The following HPSE2 variants were observed in gnomAD, a reference collection of about 807,000 sequenced individuals.
HPSE2 encodes the protein heparanase 2 (inactive).
Under a neutral mutation model 60.5 loss-of-function variants are expected in HPSE2, and 38 were observed. That is an observed-to-expected ratio of 0.63 (90% CI 0.48 to 0.82). HPSE2 has a LOEUF of 0.82. HPSE2 is among the 40% of genes least tolerant of loss of function. HPSE2 has a pLI of 0.00. For synonymous variants in HPSE2, 295 were observed against 293.2 expected, an observed-to-expected ratio of 1.01 and a Z score of -0.06; for missense variants, 713 against 740.4, an observed-to-expected ratio of 0.96 and a Z score of 0.43.
chr10:99,057,329 T>C (rs1252099084), intron 3 of HPSE2, among the ~76,000 whole-genome samples: 1 of 152,164 alleles, frequency 6.6e-6, no homozygotes, highest in Non-Finnish European at 1.5e-5. Flanking sequence ...CTCATGTGCC[T>C]TACCTGAACC....
intron 3 of HPSE2, among the ~76,000 whole-genome samples, chr10:99,066,996 C>T (rs1031534168): frequency 5.9e-5 from 9 of 152,198 alleles, no homozygotes; most frequent in Non-Finnish European, 1.2e-4. Flanking sequence ...GGTAAATACA[C>T]TCATTCCAAA....
At chr10:98,578,117 G>C (rs1944691605) in intron 9 of HPSE2, among the ~76,000 whole-genome samples, 8 of 152,168 alleles carry the variant, frequency 5.3e-5, no homozygotes, top group Admixed American at 5.2e-4. Context: ...CAAGGACTAA[G>C]AAATTCAGAA....
intron 3 of HPSE2, among the ~76,000 whole-genome samples, chr10:98,951,425 C>G (rs1411296160): frequency 6.6e-6 from 1 of 152,000 alleles, no homozygotes; most frequent in Non-Finnish European, 1.5e-5. Flanking sequence ...AGGAAGTGTC[C>G]CTCCTTTGCA....
At chr10:98,804,618 AG>A (rs1459877976) in intron 3 of HPSE2, among the ~76,000 whole-genome samples, 1 of 152,160 alleles carries the variant, frequency 6.6e-6, no homozygotes, top group African/African-American at 2.4e-5. Context: ...TTTCATCCAA[AG>A]ACAGGCAATA....
At chr10:98,487,156 G>A (rs1941471101) in intron 10 of HPSE2, among the ~76,000 whole-genome samples, 1 of 152,172 alleles carries the variant, frequency 6.6e-6, no homozygotes, top group African/African-American at 2.4e-5. Flanking sequence ...CATAAAAAGA[G>A]GCTTCCTCAT....
At chr10:99,194,523 G>A (rs2133868291) in intron 2 of HPSE2, among the ~76,000 whole-genome samples, 1 of 149,356 alleles carries the variant, frequency 6.7e-6, no homozygotes, top group South Asian at 2.1e-4. Flanking sequence ...TCTTTAGCCA[G>A]ATTAAAAAAA....
At chr10:98,804,731 C>G (rs1454628658) in intron 3 of HPSE2, among the ~76,000 whole-genome samples, 1 of 152,078 alleles carries the variant, frequency 6.6e-6, no homozygotes, top group Non-Finnish European at 1.5e-5. Flanking sequence ...GGAGGTTCCT[C>G]AGAAAACTAA....
intron 9 of HPSE2, among the ~76,000 whole-genome samples, chr10:98,500,033 T>C (rs1484385412): frequency 6.6e-6 from 1 of 152,130 alleles, no homozygotes; most frequent in African/African-American, 2.4e-5. Flanking sequence ...CAATTACTAA[T>C]AGACCTAAGA....
chr10:98,939,187 A>C (rs1954909050), intron 3 of HPSE2, among the ~76,000 whole-genome samples: 1 of 143,876 alleles, frequency 7.0e-6, no homozygotes. Context: ...CTAACGAGCA[A>C]AATAACCAGC....
chr10:98,721,986 C>CA (rs2134251676), intron 4 of HPSE2, among the ~76,000 whole-genome samples, 158 bp from the exon 5 acceptor site: 1 of 149,186 alleles, frequency 6.7e-6, no homozygotes, highest in African/African-American at 2.5e-5. Flanking sequence ...ACCACCCAAA[C>CA]AAAAAAAGGT....
intron 3 of HPSE2, among the ~76,000 whole-genome samples, chr10:98,960,345 T>G (rs1955619900): frequency 6.6e-6 from 1 of 152,134 alleles, no homozygotes; most frequent in African/African-American, 2.4e-5. Context: ...CACCATTTTG[T>G]TTATACTGTC....
chr10:98,538,195 C>T (rs1178901166), intron 9 of HPSE2, among the ~76,000 whole-genome samples: 2 of 152,162 alleles, frequency 1.3e-5, no homozygotes, highest in African/African-American at 2.4e-5. Context: ...AGTGGTCCCC[C>T]GGGCCCAGCT....
At chr10:99,055,942 C>T (rs1287285747) in intron 3 of HPSE2, among the ~76,000 whole-genome samples, 1 of 151,884 alleles carries the variant, frequency 6.6e-6, no homozygotes, top group African/African-American at 2.4e-5. Flanking sequence ...AAATTAAATC[C>T]AAAGTAAGTA....
the HPSE2 span, among the ~76,000 whole-genome samples, chr10:99,263,288 T>A: frequency 5.9e-5 from 9 of 152,054 alleles, no homozygotes; most frequent in African/African-American, 1.9e-4. Context: ...GCTCTGCCCC[T>A]CTCCACTACC....
chr10:99,151,618 A>G (rs1564847085), intron 2 of HPSE2, among the ~76,000 whole-genome samples: 1 of 152,220 alleles, frequency 6.6e-6, no homozygotes, highest in Admixed American at 6.5e-5. Flanking sequence ...GAGGAAAAAA[A>G]CTAATCCATA....
intron 11 of HPSE2, among the ~76,000 whole-genome samples, chr10:98,468,213 G>A (rs981634426): frequency 6.6e-6 from 1 of 152,144 alleles, no homozygotes; most frequent in South Asian, 2.1e-4. Context: ...TGCATCTGGG[G>A]CAGCTTGAAC....
chr10:98,486,043 G>C (rs1941427623), intron 10 of HPSE2, among the ~76,000 whole-genome samples: 2 of 152,166 alleles, frequency 1.3e-5, no homozygotes, highest in Admixed American at 1.3e-4. Context: ...ACAGCCCAGA[G>C]ACCCACATAT....
chr10:98,673,036 G>T (rs1010986608), intron 6 of HPSE2, among the ~76,000 whole-genome samples: 58 of 152,162 alleles, frequency 3.8e-4, no homozygotes, highest in Non-Finnish European at 1.3e-4. Context: ...AGCGTTCTGA[G>T]GGTGGTAAAT....
At chr10:99,113,724 T>A (rs989049941) in intron 3 of HPSE2, among the ~76,000 whole-genome samples, 1 of 152,196 alleles carries the variant, frequency 6.6e-6, no homozygotes, top group Admixed American at 6.5e-5. Flanking sequence ...AAGTTTCAAA[T>A]AGTTTTTTAA....
Sources: gnomAD v4.1 joint callset for allele counts (sites outside exome capture counted in the v4.1 genomes callset) on GRCh38, gnomAD v4.1.1 for gene constraint, MANE v1.5 for transcripts, NCBI Gene and HGNC (gene_info 2026-07-23, HGNC 2026-07-21) for gene names.